Variants in ADGRL3 observed in about 807,000 individuals in gnomAD.
ADGRL3 encodes the protein adhesion G protein-coupled receptor L3.
Under a neutral mutation model 153.5 loss-of-function variants are expected in ADGRL3, and 62 were observed. The ratio of observed to expected loss-of-function variants is 0.40; its 90% CI spans 0.33 to 0.50. The LOEUF (loss-of-function observed/expected upper bound fraction) is 0.50, where lower values mean the gene tolerates loss of function less well. ADGRL3 is among the 20% of genes least tolerant of loss of function. The pLI is 0.47. For synonymous variants in ADGRL3, 710 were observed against 672.5 expected, an observed-to-expected ratio of 1.06 and a Z score of -0.86; for missense variants, 1,641 against 1,859.4, an observed-to-expected ratio of 0.88 and a Z score of 2.16.
chr4:61,291,217 C>CACACACAT (rs1560433692), intron 1 of ADGRL3, among the ~76,000 whole-genome samples: 1 of 145,794 alleles, frequency 6.9e-6, no homozygotes, highest in African/African-American at 2.6e-5. Flanking sequence ...CACACACACA[C>CACACACAT]GCACACACAC....
intron 9 of ADGRL3, among the ~76,000 whole-genome samples, chr4:61,867,618 G>A (rs1395300216): frequency 6.8e-6 from 1 of 147,804 alleles, no homozygotes; most frequent in Non-Finnish European, 1.5e-5. Flanking sequence ...AAATTAACAA[G>A]AGAAAAGCGT....
rs572856440 is a variant in ADGRL3 at position 61,368,730 on chromosome 4, A to G, written c.-239-14394A>G. On this transcript the variant is annotated intron_variant, in intron 1 of 26. Transcript: ENST00000683033. Reference sequence around the variant, plus strand: ...AATGCGGGCTCTTTTTTGGTTCCATATGAACTTTAAAGTAGTTTTTTCCAA... The same window carrying G: ...AATGCGGGCTCTTTTTTGGTTCCATGTGAACTTTAAAGTAGTTTTTTCCAA... Among the ~76,000 whole-genome samples the G allele has an allele frequency of 2.6e-5, 4 of 152,176 alleles. No homozygotes were observed. In the East Asian group the frequency reaches 5.8e-4, roughly 22 times the overall value.
At chr4:61,421,092 C>T (rs912354964) in intron 2 of ADGRL3, among the ~76,000 whole-genome samples, 1 of 152,000 alleles carries the variant, frequency 6.6e-6, no homozygotes, top group East Asian at 1.9e-4. Context: ...GGGTGGATCA[C>T]CTGAGGCCGA....
rs540365266 is a variant in ADGRL3 at position 61,797,503 on chromosome 4, A to G, written c.1400-16306A>G. 1.0e-3 allele frequency among the ~76,000 whole-genome samples: 156 copies of G among 152,294 alleles called. 2 individuals are homozygous for G. The highest frequency in any genetic ancestry group is 0.01 in the Middle Eastern group (3 of 294). ...GTAGAAAGAACTGTAGCAATTACCT[A>G]ATTGATTTGTGTGAGGATAGAAAGT... On this transcript the variant is annotated intron_variant, in intron 8 of 26. Coordinates refer to ENST00000683033, the MANE Select transcript of ADGRL3 (RefSeq NM_001387552.1).
At chr4:61,394,386 T>C (rs936583483) in intron 2 of ADGRL3, among the ~76,000 whole-genome samples, 1 of 152,020 alleles carries the variant, frequency 6.6e-6, no homozygotes, top group South Asian at 2.1e-4. Context: ...GATGGCTGGA[T>C]CGGATAGCTA....
rs1397737346 is a variant in ADGRL3 at position 61,932,174 on chromosome 4, A to G, written c.2113-2666A>G. ...CTTTTTCATTTCAGTTTGGATGCCTATTATTATTATTACCTAATTGCTCTG... is the reference window on the plus strand; with the variant it reads ...CTTTTTCATTTCAGTTTGGATGCCTGTTATTATTATTACCTAATTGCTCTG... On this transcript the variant is annotated intron_variant, in intron 13 of 26. Coordinates refer to ENST00000683033, the MANE Select transcript of ADGRL3 (RefSeq NM_001387552.1). Among the ~76,000 whole-genome samples, 8 of 151,892 alleles carry G rather than the reference A, an allele frequency of 5.3e-5. No homozygotes were observed. The South Asian group carries it at 1.2e-3, about 24-fold the overall frequency.
intron 1 of ADGRL3, among the ~76,000 whole-genome samples, chr4:61,377,234 T>C (rs2096614497): frequency 6.6e-6 from 1 of 152,064 alleles, no homozygotes; most frequent in Non-Finnish European, 1.5e-5. Context: ...CCCTACCTTA[T>C]ATGTGCAGAC....
At chr4:61,336,530 A>C (rs2095678212) in intron 1 of ADGRL3, among the ~76,000 whole-genome samples, 1 of 152,114 alleles carries the variant, frequency 6.6e-6, no homozygotes, top group African/African-American at 2.4e-5. Flanking sequence ...AAAAGCAGTC[A>C]AGAGCATGGA....
chr4:61,785,070 T>C lies in ADGRL3; in HGVS notation c.1400-28739T>C, dbSNP rs149062416. Among the ~76,000 whole-genome samples the C allele has an allele frequency of 3.7e-3, 568 of 152,196 alleles. 3 individuals are homozygous for C. The highest frequency in any genetic ancestry group is 0.013 in the African/African-American group (533 of 41,534). On this transcript the variant is annotated intron_variant, in intron 8 of 26. Coordinates refer to ENST00000683033, the MANE Select transcript of ADGRL3 (RefSeq NM_001387552.1). ...ACCTGTAAATAAATGAATAGATGGA[T>C]AAATCTATAAATTGATAGGATTGAT...
chr4:61,723,228 C>A (rs2096270194), intron 6 of ADGRL3, among the ~76,000 whole-genome samples: 1 of 152,090 alleles, frequency 6.6e-6, no homozygotes. Context: ...CTGAAAATCA[C>A]CAATTATTAG....
intron 1 of ADGRL3, among the ~76,000 whole-genome samples, chr4:61,366,167 G>T (rs2096392820): frequency 6.6e-6 from 1 of 152,038 alleles, no homozygotes; most frequent in Non-Finnish European, 1.5e-5. Context: ...GTCATTACTT[G>T]CTTTCTTTTA....
At chr4:61,464,646 T>C (rs997914670) in intron 2 of ADGRL3, among the ~76,000 whole-genome samples, 1 of 152,202 alleles carries the variant, frequency 6.6e-6, no homozygotes, top group African/African-American at 2.4e-5. Flanking sequence ...ACATAGTCTA[T>C]ATGACATAAT....
chr4:61,695,065 T>C (rs2095615572), intron 6 of ADGRL3, among the ~76,000 whole-genome samples: 1 of 152,176 alleles, frequency 6.6e-6, no homozygotes, highest in Non-Finnish European at 1.5e-5. Flanking sequence ...CCCACTGAAA[T>C]CTTGAACCCT....
chr4:61,669,522 G>A (rs1400545986), intron 5 of ADGRL3, among the ~76,000 whole-genome samples: 1 of 152,020 alleles, frequency 6.6e-6, no homozygotes, highest in Non-Finnish European at 1.5e-5. Flanking sequence ...ACTATTTTGA[G>A]ATTTTAAACA....
intron 13 of ADGRL3, among the ~76,000 whole-genome samples, chr4:61,930,064 T>A (rs2098811296): frequency 1.3e-5 from 2 of 151,736 alleles, no homozygotes; most frequent in African/African-American, 4.8e-5. Flanking sequence ...TAGTCCCAGC[T>A]ACTCGGGAGG....
In ADGRL3 at chr4:61,870,696, T is replaced by A. The variant is rs2098438519; in HGVS notation, c.1481-21960T>A. Among the ~76,000 whole-genome samples, 3 of 152,124 alleles carry A rather than the reference T, an allele frequency of 2.0e-5. No individual in the cohort carries two copies. In the South Asian group the frequency reaches 6.2e-4, roughly 32 times the overall value. On this transcript the variant is annotated intron_variant, in intron 9 of 26. Transcript: ENST00000683033. ...GGCCAATAAGCACTTATAAAGGTGG[T>A]CAACATTATTAGCCATCAGGAAAAT...
intron 2 of ADGRL3, among the ~76,000 whole-genome samples, chr4:61,438,920 G>C (rs2152456532): frequency 6.6e-6 from 1 of 151,974 alleles, no homozygotes; most frequent in East Asian, 1.9e-4. Context: ...TTTTAGCCAG[G>C]ATGGTCTCGA....
At chr4:61,593,607 T>C (rs1196224074) in intron 5 of ADGRL3, among the ~76,000 whole-genome samples, 1 of 152,188 alleles carries the variant, frequency 6.6e-6, no homozygotes, top group Non-Finnish European at 1.5e-5. Flanking sequence ...AAATATGTCA[T>C]GCCATTCTCT....
chr4:61,938,326 C>A lies in ADGRL3; in HGVS notation c.2419+2281C>A, dbSNP rs145899090. On this transcript the variant is annotated intron_variant, in intron 15 of 26. Coordinates refer to ENST00000683033, the MANE Select transcript of ADGRL3 (RefSeq NM_001387552.1). ...TAATATCAAATCTAGAGGGAAAGAA[C>A]AAAATTAAATTATGTTATAACAGAT... Among the ~76,000 whole-genome samples, 259 of 152,158 alleles carry A rather than the reference C, an allele frequency of 1.7e-3. 2 individuals are homozygous for A. Among genetic ancestry groups the A allele is most frequent in the African/African-American group, 5.9e-3 (245 of 41,528 alleles).
Sources: gnomAD v4.1 joint callset for allele counts (sites outside exome capture counted in the v4.1 genomes callset) on GRCh38, gnomAD v4.1.1 for gene constraint, MANE v1.5 for transcripts, NCBI Gene and HGNC (gene_info 2026-07-23, HGNC 2026-07-21) for gene names.